Variants in ST6GAL1 observed in about 807,000 individuals in gnomAD.
ST6GAL1 encodes the protein ST6 beta-galactoside alpha-2,6-sialyltransferase 1.
In ST6GAL1, 20 loss-of-function variants were observed where a neutral mutation model predicts 38.0. The observed-to-expected ratio is 0.53, with a 90% CI of 0.37 to 0.77. The LOEUF (loss-of-function observed/expected upper bound fraction) is 0.77. Ranked by LOEUF, ST6GAL1 falls within the 30% of genes least tolerant of loss-of-function variation. The probability of loss-of-function intolerance (pLI) is 0.00; values close to 1 mark genes in which losing one functional copy is unlikely to be tolerated. For missense variants in ST6GAL1, 432 were observed against 496.4 expected (o/e 0.87, Z 1.23); for synonymous variants, 196 against 188.2 (o/e 1.04, Z -0.34).
chr3:187,024,443 TAC>T (rs1249142480), intron 2 of ST6GAL1, among the ~76,000 whole-genome samples: 3 of 93,730 alleles, frequency 3.2e-5, no homozygotes, highest in African/African-American at 1.2e-4. Flanking sequence ...TATATATATA[TAC>T]ACACACACAT....
At chr3:186,998,439 TTTA>T (rs1212089511) in intron 2 of ST6GAL1, among the ~76,000 whole-genome samples, 5 of 152,114 alleles carry the variant, frequency 3.3e-5, no homozygotes, top group African/African-American at 1.2e-4. Flanking sequence ...AGAAAATGTA[TTTA>T]TTATTTAGTA....
chr3:187,008,812 C>CT (rs1015849250), intron 2 of ST6GAL1, among the ~76,000 whole-genome samples: 4 of 151,876 alleles, frequency 2.6e-5, no homozygotes, highest in East Asian at 1.9e-4. Flanking sequence ...TCCTTTAAGT[C>CT]TTTTTTTTCT....
At chr3:186,964,534 A>T (rs1304373509) in intron 2 of ST6GAL1, among the ~76,000 whole-genome samples, 1 of 152,200 alleles carries the variant, frequency 6.6e-6, no homozygotes, top group Admixed American at 6.5e-5. Flanking sequence ...GTGGTATTCT[A>T]TTAAGGTTAC....
At chr3:187,012,184 C>T (rs530999803) in intron 2 of ST6GAL1, among the ~76,000 whole-genome samples, 23 of 152,174 alleles carry the variant, frequency 1.5e-4, no homozygotes, top group African/African-American at 5.1e-4. Context: ...AACTGTGGCT[C>T]TCAATAAACT....
chr3:186,945,730 T>TA (rs1714335615), intron 1 of ST6GAL1, among the ~76,000 whole-genome samples: 1 of 152,050 alleles, frequency 6.6e-6, no homozygotes, highest in Non-Finnish European at 1.5e-5. Context: ...CTCATGCCTG[T>TA]AATCTCAGCA....
intron 2 of ST6GAL1, among the ~76,000 whole-genome samples, chr3:187,032,106 G>A (rs189928161): frequency 3.9e-5 from 6 of 152,248 alleles, no homozygotes; most frequent in Admixed American, 3.9e-4. Context: ...GACTATTTTT[G>A]GAAAGCCCTC....
chr3:187,072,044 A>C (rs932837263), intron 5 of ST6GAL1: 5 of 152,134 alleles, frequency 3.3e-5, no homozygotes, highest in African/African-American at 1.2e-4. Context: ...ATGTGCTTTA[A>C]AAAAAATGCT....
chr3:187,042,379 T>C (rs1312913442), intron 3 of ST6GAL1, among the ~76,000 whole-genome samples: 2 of 152,012 alleles, frequency 1.3e-5, no homozygotes, highest in African/African-American at 4.8e-5. Context: ...GAAAAAGTAA[T>C]GATGGGAGGA....
At chr3:186,941,042 C>T (rs1278943056) in intron 1 of ST6GAL1, among the ~76,000 whole-genome samples, 4 of 152,140 alleles carry the variant, frequency 2.6e-5, no homozygotes, top group African/African-American at 9.7e-5. Flanking sequence ...TTGAAGGGCT[C>T]TCAGGAAGCT....
At chr3:186,968,798 T>C (rs1715238990) in intron 2 of ST6GAL1, among the ~76,000 whole-genome samples, 1 of 152,228 alleles carries the variant, frequency 6.6e-6, no homozygotes, top group Non-Finnish European at 1.5e-5. Context: ...GCCATTAGAA[T>C]CATTTGTGGA....
At chr3:187,018,200 T>C (rs1006051549) in intron 2 of ST6GAL1, among the ~76,000 whole-genome samples, 3 of 152,270 alleles carry the variant, frequency 2.0e-5, no homozygotes, top group African/African-American at 7.2e-5. Flanking sequence ...TTTTTCCTGA[T>C]TTCTAAACAC....
chr3:187,040,555 A>G (rs904858051), intron 3 of ST6GAL1, among the ~76,000 whole-genome samples: 2 of 152,236 alleles, frequency 1.3e-5, no homozygotes, highest in Non-Finnish European at 2.9e-5. Context: ...TTCCTAAAAT[A>G]GGATTGTCAA....
At chr3:187,027,007 C>T (rs1264211751) in intron 2 of ST6GAL1, among the ~76,000 whole-genome samples, 4 of 151,894 alleles carry the variant, frequency 2.6e-5, no homozygotes, top group Admixed American at 2.6e-4. Context: ...CGAGATCTCA[C>T]CACTGCACTC....
intron 2 of ST6GAL1, among the ~76,000 whole-genome samples, chr3:186,989,167 A>G (rs372566794): frequency 1.4e-3 from 220 of 152,336 alleles, no homozygotes; most frequent in African/African-American, 5.1e-3. Flanking sequence ...GACAATAAAC[A>G]GAAAAGTTAG....
At chr3:187,026,108 C>T (rs1426461788) in intron 2 of ST6GAL1, among the ~76,000 whole-genome samples, 1 of 152,234 alleles carries the variant, frequency 6.6e-6, no homozygotes, top group Non-Finnish European at 1.5e-5. Context: ...CTCATGGCTT[C>T]CTTTCTTTCA....
chr3:186,954,764 C>T (rs1317358540), intron 1 of ST6GAL1, among the ~76,000 whole-genome samples: 1 of 151,898 alleles, frequency 6.6e-6, no homozygotes, highest in East Asian at 1.9e-4. Flanking sequence ...CAAAAATTTT[C>T]TCCCGTTCTG....
rs990758222 is a variant in ST6GAL1 at position 187,015,214 on chromosome 3, T to C, written c.-182-23528T>C. Among the ~76,000 whole-genome samples the C allele has an allele frequency of 3.3e-5, 5 of 152,324 alleles. No individual in the cohort carries two copies. The East Asian group carries it at 5.8e-4, about 18-fold the overall frequency. On this transcript the variant is annotated intron_variant, in intron 2 of 7. Coordinates refer to ENST00000169298, the MANE Select transcript of ST6GAL1 (RefSeq NM_173216.2). ...TCTTGCGTACGAAGGGACTGGCCCCTGTGTGCTTCTTACTGCACGCACTTC... is the reference window on the plus strand; with the variant it reads ...TCTTGCGTACGAAGGGACTGGCCCCCGTGTGCTTCTTACTGCACGCACTTC...
chr3:187,024,507 G>T (rs962796524), intron 2 of ST6GAL1, among the ~76,000 whole-genome samples: 3 of 150,206 alleles, frequency 2.0e-5, no homozygotes, highest in African/African-American at 4.9e-5. Flanking sequence ...GAGAGAGAGA[G>T]AGAGAGAGAG....
At chr3:186,994,445 A>G (rs1287887859) in intron 2 of ST6GAL1, among the ~76,000 whole-genome samples, 2 of 152,152 alleles carry the variant, frequency 1.3e-5, no homozygotes. Flanking sequence ...TCACTGAGTG[A>G]ATTTTATATG....
Sources: allele counts gnomAD v4.1 joint callset (sites outside exome capture counted in the v4.1 genomes callset), GRCh38; gene constraint gnomAD v4.1.1; transcripts MANE v1.5; gene names NCBI Gene and HGNC (gene_info 2026-07-23, HGNC 2026-07-21).